The following MTHFD1 variants were observed in gnomAD, a reference collection of about 807,000 sequenced individuals.
The protein encoded by MTHFD1 is methylenetetrahydrofolate dehydrogenase, cyclohydrolase and formyltetrahydrofolate synthetase 1.
Under a neutral mutation model 110.3 loss-of-function variants are expected in MTHFD1, and 44 were observed. That is an observed-to-expected ratio of 0.40 (90% CI 0.31 to 0.51). The LOEUF is 0.51. Among genes scored for constraint, MTHFD1 ranks in the 20% least tolerant of loss-of-function variants. The pLI, the probability that MTHFD1 is intolerant of heterozygous loss-of-function variation, is 0.60. For missense variants in MTHFD1, 909 were observed against 1,173.1 expected, an observed-to-expected ratio of 0.77 and a Z score of 3.29; for synonymous variants, 402 against 428.8, an observed-to-expected ratio of 0.94 and a Z score of 0.77.
At chr14:64,391,707 T>A (rs1012399638) in intron 1 of MTHFD1, among the ~76,000 whole-genome samples, 25 of 152,186 alleles carry the variant, frequency 1.6e-4, no homozygotes, top group African/African-American at 5.5e-4. Context: ...TAACAGCCCC[T>A]TTTCTCCCTC....
intron 19 of MTHFD1, 101 bp downstream of exon 19, chr14:64,441,554 C>A: frequency 9.0e-7 from 1 of 1,106,146 alleles, no homozygotes; most frequent in East Asian, 2.5e-5. Flanking sequence ...CACCTGTAAT[C>A]CCAGCACTTT....
In MTHFD1 at chr14:64,448,294, A is replaced by C. The variant is rs749022072; in HGVS notation, c.2256A>C (p.Val752=). The change falls in exon 23 of 28, where the codon GTA becomes GTC. Residue 752 remains valine (V), a synonymous_variant. Coordinates refer to ENST00000652337, the MANE Select transcript of MTHFD1 (RefSeq NM_005956.4). ...IENARMFGIP[V]VVAVNAFKTD... ...ATGCCAGAATGTTTGGAATTCCAGT[A>C]GTAGTGGCCGTGAATGCATTCAAGT... 2 of 1,613,916 alleles carry C rather than the reference A, an allele frequency of 1.2e-6. No individual in the cohort carries two copies. Among genetic ancestry groups the C allele is most frequent in the East Asian group, 4.5e-5 (2 of 44,892 alleles).
chr14:64,423,340 ATAGG>A (rs1046063665), intron 8 of MTHFD1, among the ~76,000 whole-genome samples: 3 of 152,082 alleles, frequency 2.0e-5, no homozygotes, highest in Non-Finnish European at 2.9e-5. Context: ...CAAATTTGTG[ATAGG>A]TAGTGTTAAG....
At chr14:64,431,092 T>TA (rs1463182100) in intron 13 of MTHFD1, among the ~76,000 whole-genome samples, 2 of 149,290 alleles carry the variant, frequency 1.3e-5, no homozygotes, top group Admixed American at 1.3e-4. Context: ...TTTTTTTTTT[T>TA]AAGACAGAGT....
At chr14:64,435,494 G>C in intron 15 of MTHFD1, 75 bp from the exon 16 acceptor site, 2 of 914,324 alleles carry the variant, frequency 2.2e-6, no homozygotes, top group Non-Finnish European at 3.7e-6. Context: ...TAGAGGTAGG[G>C]GTCAAAATTT....
rs985879652 is a variant in MTHFD1, at chr14:64,425,001, AGTAGAAAT to A, written c.855+73_855+80del. 1.3e-4 allele frequency: 206 copies of A among 1,586,324 alleles called. No individual in the cohort carries two copies. In the Admixed American group the frequency reaches 3.5e-3, roughly 27 times the overall value. On this transcript the variant is annotated intron_variant, in intron 9 of 27. Transcript: ENST00000652337. ...CGAGTTTTGGCTGCTTTTCTCCCCA[AGTAGAAAT>A]GTCAAAAACCTACTCAGAAGTAAAG...
intron 8 of MTHFD1, among the ~76,000 whole-genome samples, chr14:64,422,620 A>G (rs900519838): frequency 4.6e-5 from 7 of 152,064 alleles, no homozygotes; most frequent in Admixed American, 2.0e-4. Context: ...CCCTAATGCA[A>G]TCCAGTCTCA....
chr14:64,391,875 A>G (rs1188911005), intron 1 of MTHFD1, among the ~76,000 whole-genome samples: 1 of 152,200 alleles, frequency 6.6e-6, no homozygotes, highest in African/African-American at 2.4e-5. Flanking sequence ...TGAGAGTCTA[A>G]TAGTGAACAA....
intron 4 of MTHFD1, among the ~76,000 whole-genome samples, chr14:64,414,978 C>A (rs962525385): frequency 1.3e-5 from 2 of 152,104 alleles, no homozygotes; most frequent in African/African-American, 2.4e-5. Context: ...CGTGAACCAC[C>A]GCACCCAGCC....
intron 2 of MTHFD1, among the ~76,000 whole-genome samples, chr14:64,406,748 G>A (rs1016748930): frequency 1.3e-5 from 2 of 152,074 alleles, no homozygotes; most frequent in East Asian, 1.9e-4. Context: ...CCGAGTCACC[G>A]CACCTGACTG....
rs917138905 is a variant in MTHFD1, at chr14:64,442,411, T to C, written c.2136+9T>C. 6.2e-7 allele frequency: 1 copy of C among 1,613,764 alleles called. No individual in the cohort carries two copies. The highest frequency in any genetic ancestry group is 1.7e-5 in the Admixed American group (1 of 60,024). ...ACGGGGGCGGCCCCACGGTGAGTGG[T>C]GGGTTGAAGTATCTGATTATCGGCA... is the stretch of plus-strand genomic sequence containing the variant. On this transcript the variant is annotated intron_variant, in intron 21 of 27. Transcript: ENST00000652337.
At chr14:64,418,051 G>T in intron 7 of MTHFD1, 27 bp downstream of exon 7, 1 of 1,614,000 alleles carries the variant, frequency 6.2e-7, no homozygotes, top group Non-Finnish European at 8.5e-7. Context: ...AGAGGTAAAG[G>T]TGTTACGGTG....
Position 64,391,537 on chromosome 14 carries a change from G to T in MTHFD1, c.41+3069G>T, listed in dbSNP as rs554753644. ...CCACCCTGCTGAGAATGCTATCCCT[G>T]ACTCGTCCTCTTCTATTATTATTCT... On this transcript the variant is annotated intron_variant, in intron 1 of 27. Coordinates refer to ENST00000652337, the MANE Select transcript of MTHFD1 (RefSeq NM_005956.4). 9.2e-5 allele frequency among the ~76,000 whole-genome samples: 14 copies of T among 152,258 alleles called. No homozygotes were observed. In the Middle Eastern group the frequency reaches 0.01, roughly 111 times the overall value.
At chr14:64,408,050 G>A (rs1470031878) in intron 2 of MTHFD1, among the ~76,000 whole-genome samples, 3 of 152,010 alleles carry the variant, frequency 2.0e-5, no homozygotes, top group Non-Finnish European at 2.9e-5. Context: ...ACACAGATTA[G>A]TAAACTGTGG....
intron 24 of MTHFD1, among the ~76,000 whole-genome samples, chr14:64,450,272 G>C (rs1003034011): frequency 3.9e-5 from 6 of 152,328 alleles, no homozygotes; most frequent in Admixed American, 3.9e-4. Flanking sequence ...TTTAAAACAA[G>C]GCACCAACCA....
intron 16 of MTHFD1, among the ~76,000 whole-genome samples, chr14:64,437,561 T>C (rs1010405158): frequency 6.6e-6 from 1 of 152,222 alleles, no homozygotes; most frequent in Non-Finnish European, 1.5e-5. Flanking sequence ...TGACACTAAC[T>C]GTCTGGAGCA....
Position 64,431,849 on chromosome 14 carries a change from C to A in MTHFD1, c.1482C>A (p.Ile494=). ...TGAGAAGGTTCTCTGACATCCAAATCCGAAGGTTAAAGGTAAGCTTTTTTT... is the reference window on the plus strand; with the variant it reads ...TGAGAAGGTTCTCTGACATCCAAATACGAAGGTTAAAGGTAAGCTTTTTTT... The part of the protein sequence containing the change: ...NGVRRFSDIQ[I]RRLKRLGIEK... Residue 494 remains isoleucine, a synonymous_variant, in exon 15 of 28, where the codon ATC becomes ATA. Transcript: ENST00000652337. 6.2e-7 allele frequency: 1 copy of A among 1,613,922 alleles called. No homozygotes were observed. Among genetic ancestry groups the A allele is most frequent in the South Asian group, 1.1e-5 (1 of 91,070 alleles).
intron 7 of MTHFD1, 46 bp downstream of exon 7, chr14:64,418,070 G>A (rs2078039001): frequency 6.2e-7 from 1 of 1,611,722 alleles, no homozygotes; most frequent in South Asian, 1.1e-5. Flanking sequence ...TGGGGAGGGT[G>A]GGTGTGCCAG....
chr14:64,401,650 C>T (rs2077897922), intron 2 of MTHFD1, among the ~76,000 whole-genome samples: 2 of 149,728 alleles, frequency 1.3e-5, no homozygotes, highest in African/African-American at 4.9e-5. Flanking sequence ...TTGCAGTGAG[C>T]CAAGATTGTG....
Sources: allele counts gnomAD v4.1 joint callset (sites outside exome capture counted in the v4.1 genomes callset), GRCh38; gene constraint gnomAD v4.1.1; transcripts MANE v1.5; gene names NCBI Gene and HGNC (gene_info 2026-07-23, HGNC 2026-07-21).